Variants in MAL2 observed in about 807,000 individuals in gnomAD.
MAL2 encodes the protein protein MAL2.
Under a neutral mutation model 18.1 loss-of-function variants are expected in MAL2, and 17 were observed. The ratio of observed to expected loss-of-function variants is 0.94; its 90% CI spans 0.64 to 1.41. The LOEUF (loss-of-function observed/expected upper bound fraction) is 1.41, where lower values mean the gene tolerates loss of function less well. Among genes scored for constraint, MAL2 ranks in the 40% most tolerant of loss-of-function variants. The pLI, the probability that MAL2 is intolerant of heterozygous loss-of-function variation, is 0.00. For synonymous variants in MAL2, 102 were observed against 102.3 expected (o/e 1.00, Z 0.02); for missense variants, 222 against 231.9 (o/e 0.96, Z 0.28).
At chr8:119,224,388 G>A (rs1246331251) in intron 2 of MAL2, 2 of 152,026 alleles carry the variant, frequency 1.3e-5, no homozygotes, top group Admixed American at 6.5e-5. Flanking sequence ...CTTTGTAGGG[G>A]AAGGGTACTA....
At chr8:119,242,231 A>T (rs75297273) in intron 3 of MAL2, among the ~76,000 whole-genome samples, 1,990 of 152,190 alleles carry the variant, frequency 0.013, 21 homozygotes, top group Non-Finnish European at 0.02. Flanking sequence ...GAGGTCTTTA[A>T]TTTGTCACCT....
chr8:119,234,233 A>G (rs540302489), intron 2 of MAL2, among the ~76,000 whole-genome samples: 1 of 152,286 alleles, frequency 6.6e-6, no homozygotes, highest in Admixed American at 6.5e-5. Flanking sequence ...TCCCACCCGA[A>G]TATTGCACTT....
chr8:119,210,267 T>C lies in MAL2; in HGVS notation c.132+1663T>C, dbSNP rs551365533. On this transcript the variant is annotated intron_variant, in intron 1 of 3. Coordinates refer to ENST00000614891, the MANE Select transcript of MAL2 (RefSeq NM_052886.3). ...ATGTGTATATGTAAATATATATACA[T>C]GTGTATATGCAAAGAAGGCTTATCC... Among the ~76,000 whole-genome samples the C allele has an allele frequency of 7.2e-5, 11 of 152,304 alleles. No individual in the cohort carries two copies. The East Asian group carries it at 1.5e-3, about 21-fold the overall frequency.
chr8:119,229,669 C>CCATTGGGAAAATAG (rs1457997653), intron 2 of MAL2, among the ~76,000 whole-genome samples: 1 of 152,142 alleles, frequency 6.6e-6, no homozygotes, highest in African/African-American at 2.4e-5. Context: ...TCAGCTCTAC[C>CCATTGGGAAAATAG]CATTGGGAAA....
chr8:119,224,603 G>A (rs1817543737), intron 2 of MAL2, among the ~76,000 whole-genome samples: 1 of 151,650 alleles, frequency 6.6e-6, no homozygotes, highest in Admixed American at 6.6e-5. Flanking sequence ...TGAATGAATT[G>A]CATAGTGGTG....
At chr8:119,218,156 T>C (rs1817390309) in intron 1 of MAL2, among the ~76,000 whole-genome samples, 2 of 152,126 alleles carry the variant, frequency 1.3e-5, no homozygotes, top group Non-Finnish European at 1.5e-5. Flanking sequence ...AAAGCGAGCC[T>C]GGATTTCACA....
Position 119,234,151 on chromosome 8 carries a change from C to T in MAL2, c.304-6014C>T, listed in dbSNP as rs973748519. Among the ~76,000 whole-genome samples the T allele has an allele frequency of 1.7e-4, 26 of 152,278 alleles. No individual in the cohort carries two copies. The East Asian group carries it at 1.9e-3, about 11-fold the overall frequency. ...GCGAGGCATTGCCTCACTTGGGAAGCGCAAGGGGTCAGAGAGTTCCCTTTC... is the reference window on the plus strand; with the variant it reads ...GCGAGGCATTGCCTCACTTGGGAAGTGCAAGGGGTCAGAGAGTTCCCTTTC... On this transcript the variant is annotated intron_variant, in intron 2 of 3. Transcript: ENST00000614891.
chr8:119,225,909 A>T (rs1259014746), intron 2 of MAL2, among the ~76,000 whole-genome samples: 1 of 152,168 alleles, frequency 6.6e-6, no homozygotes, highest in African/African-American at 2.4e-5. Flanking sequence ...TTGGCTGCAT[A>T]AATGTCTTCT....
intron 2 of MAL2, chr8:119,223,413 G>A (rs1371130222): frequency 1.3e-5 from 2 of 152,184 alleles, no homozygotes; most frequent in Non-Finnish European, 2.9e-5. Flanking sequence ...AATATATTTG[G>A]TATTGAGTAC....
At chr8:119,228,913 G>T (rs936814125) in intron 2 of MAL2, among the ~76,000 whole-genome samples, 4 of 152,128 alleles carry the variant, frequency 2.6e-5, no homozygotes, top group African/African-American at 9.7e-5. Context: ...TCCCTTATCA[G>T]GAGCTCAGAG....
chr8:119,213,375 G>A, intron 1 of MAL2, among the ~76,000 whole-genome samples: 1 of 14,342 alleles, frequency 7.0e-5, no homozygotes, highest in East Asian at 6.3e-3. Flanking sequence ...AGAGTTTATT[G>A]CCTGGAAAAT....
intron 2 of MAL2, among the ~76,000 whole-genome samples, chr8:119,227,487 G>A (rs923568281): frequency 6.6e-6 from 1 of 152,178 alleles, no homozygotes; most frequent in Admixed American, 6.5e-5. Flanking sequence ...GGGCACAAGT[G>A]GCCAAGCACT....
chr8:119,217,377 G>A (rs1817374261), intron 1 of MAL2, among the ~76,000 whole-genome samples: 1 of 152,184 alleles, frequency 6.6e-6, no homozygotes, highest in Admixed American at 6.5e-5. Flanking sequence ...CTAAAGTTGG[G>A]TTAAGAAGAT....
At chr8:119,210,293 A>G (rs1404692957) in intron 1 of MAL2, among the ~76,000 whole-genome samples, 1 of 152,190 alleles carries the variant, frequency 6.6e-6, no homozygotes. Flanking sequence ...AGGCTTATCC[A>G]TATGCCCTCT....
intron 2 of MAL2, among the ~76,000 whole-genome samples, chr8:119,232,195 G>A (rs902095570): frequency 2.0e-5 from 3 of 151,730 alleles, no homozygotes; most frequent in Non-Finnish European, 4.4e-5. Context: ...TTAAAAACAT[G>A]TACACGATAA....
intron 1 of MAL2, chr8:119,215,777 A>C (rs1817341960): frequency 6.6e-6 from 1 of 152,164 alleles, no homozygotes; most frequent in South Asian, 2.1e-4. Context: ...GTAGGAAAAG[A>C]AGCATTACAG....
intron 2 of MAL2, among the ~76,000 whole-genome samples, chr8:119,222,549 C>T (rs1272230854): frequency 1.3e-5 from 2 of 151,220 alleles, no homozygotes; most frequent in East Asian, 1.9e-4. Flanking sequence ...AATTTGTGAC[C>T]AAGTGCAGTG....
chr8:119,208,384 G>A lies in MAL2; in HGVS notation c.-89G>A, dbSNP rs934064421. ...CGGCGCGCCCGGAGCCCGCGGAGCT[G>A]AGCGGCGGCGGCGGCGGCGGCAGGA... On this transcript the variant is annotated 5_prime_UTR_variant, in exon 1 of 4. Transcript: ENST00000614891. The surrounding 1 kb of genome is among the most constrained non-coding windows in gnomAD (Gnocchi z 4.3). The A allele has an allele frequency of 1.4e-6, 1 of 708,582 alleles. No homozygotes were observed. Among genetic ancestry groups the A allele is most frequent in the Non-Finnish European group, 1.7e-6 (1 of 580,022 alleles). 43.9% of individuals were successfully genotyped at this position (708,582 alleles called of 1,614,324 possible).
intron 2 of MAL2, among the ~76,000 whole-genome samples, chr8:119,235,230 C>G (rs571895046): frequency 6.6e-6 from 1 of 151,574 alleles, no homozygotes; most frequent in Non-Finnish European, 1.5e-5. Flanking sequence ...TGAAATGAAG[C>G]GAGAAGGGAA....
Sources: gnomAD v4.1 joint callset for allele counts (sites outside exome capture counted in the v4.1 genomes callset) on GRCh38, gnomAD v4.1.1 for gene constraint, Gnocchi (gnomAD v3.1) non-coding constraint, MANE v1.5 for transcripts, NCBI Gene and HGNC (gene_info 2026-07-23, HGNC 2026-07-21) for gene names.